SERINC2: variants seen among roughly 807,000 people sequenced by gnomAD.
The protein encoded by SERINC2 is serine incorporator 2, also known as tumor differentially expressed protein 2.
Under a neutral mutation model 54.2 loss-of-function variants are expected in SERINC2, and 56 were observed. The observed-to-expected ratio is 1.03, with a 90% CI of 0.83 to 1.29. SERINC2 has a LOEUF of 1.29. Ranked by LOEUF, SERINC2 falls within the 50% of genes most tolerant of loss-of-function variation. SERINC2 has a pLI of 0.00. For synonymous variants in SERINC2, 272 were observed against 253.1 expected (o/e 1.07, Z -0.71); for missense variants, 614 against 607.4 (o/e 1.01, Z -0.12).
chr1:31,425,851 A>C lies in SERINC2; in HGVS notation c.548A>C (p.His183Pro). 1 of 1,613,018 alleles carries C rather than the reference A, an allele frequency of 6.2e-7. No homozygotes were observed. The highest frequency in any genetic ancestry group is 8.5e-7 in the Non-Finnish European group (1 of 1,179,794). ...CTGGTGCTGCTCATCGACTTTGCGCACTCCTGGAACCAGCGGTGGCTGGGC... is the reference window on the plus strand; with the variant it reads ...CTGGTGCTGCTCATCGACTTTGCGCCCTCCTGGAACCAGCGGTGGCTGGGC... ...IQLVLLIDFA[H>P]SWNQRWLGKA... is the part of the protein sequence containing the mutation. The change falls in exon 5 of 10, where the codon CAC (histidine) becomes CCC (proline). Residue 183 changes from histidine to proline, a missense_variant. Physicochemically the swap from His to Pro is moderately conservative, Grantham distance 77. Coordinates refer to ENST00000373709, the MANE Select transcript of SERINC2 (RefSeq NM_178865.5).
chr1:31,412,808 C>G (rs78029627), upstream of SERINC2, among the ~76,000 whole-genome samples: 5,516 of 152,270 alleles, frequency 0.036, 227 homozygotes, highest in Admixed American at 0.14. Context: ...AGTGACTTGC[C>G]GAAGTTTCTT....
intron 6 of SERINC2, among the ~76,000 whole-genome samples, chr1:31,427,133 A>G (rs1404988348): frequency 6.6e-6 from 1 of 152,226 alleles, no homozygotes; most frequent in Non-Finnish European, 1.5e-5. Flanking sequence ...GATATCTCTC[A>G]GACATTAGCT....
intron 6 of SERINC2, among the ~76,000 whole-genome samples, chr1:31,427,167 C>G (rs1641068445): frequency 6.6e-6 from 1 of 151,922 alleles, no homozygotes; most frequent in Non-Finnish European, 1.5e-5. Context: ...TTATTGTTGT[C>G]ATTTTTGTTT....
chr1:31,425,571 A>G (rs192243298), intron 4 of SERINC2, among the ~76,000 whole-genome samples, 162 bp downstream of exon 4: 1 of 152,294 alleles, frequency 6.6e-6, no homozygotes, highest in East Asian at 1.9e-4. Flanking sequence ...GTGCTTGGCC[A>G]CACGGCCTTT....
chr1:31,418,239 A>G (rs1249105043), intron 1 of SERINC2, among the ~76,000 whole-genome samples: 1 of 152,226 alleles, frequency 6.6e-6, no homozygotes, highest in Admixed American at 6.5e-5. Context: ...CATCTCGTCC[A>G]CCAATGGACA....
chr1:31,431,827 G>A lies in SERINC2; in HGVS notation c.1014-1140G>A, dbSNP rs1469274230. 5.3e-3 allele frequency among the ~76,000 whole-genome samples: 762 copies of A among 142,694 alleles called. 17 individuals are homozygous for A. The highest frequency in any genetic ancestry group is 8.0e-3 in the South Asian group (35 of 4,374). 93.6% of individuals were successfully genotyped at this position (142,694 alleles called of 152,430 possible). A position where few individuals can be genotyped will look rare whatever the true frequency, so the allele number is the denominator to read the frequency against. ...GGACAGGGTGGACAGGGTGGATAGGGTGGATAGGGTGGATAGGGTGGATAG... is the reference window on the plus strand; with the variant it reads ...GGACAGGGTGGACAGGGTGGATAGGATGGATAGGGTGGATAGGGTGGATAG... On this transcript the variant is annotated intron_variant, in intron 8 of 9. Coordinates refer to ENST00000373709, the MANE Select transcript of SERINC2 (RefSeq NM_178865.5).
chr1:31,426,661 C>T lies in SERINC2; in HGVS notation c.618C>T (p.Phe206=), dbSNP rs1641050193. Residue 206 remains phenylalanine, a synonymous_variant, in exon 6 of 10, where the codon TTC becomes TTT. Transcript: ENST00000373709. ...CDSRAWYAGL[F]FFTLLFYLLS... is the part of the protein sequence containing the mutation. ...ACTACCCCTCTGGCCCAGGCCTCTT[C>T]TTCTTCACTCTCCTCTTCTACTTGC... 1.2e-6 allele frequency: 2 copies of T among 1,607,916 alleles called. No individual in the cohort carries two copies. Among genetic ancestry groups the T allele is most frequent in the East Asian group, 4.5e-5 (2 of 44,628 alleles).
intron 8 of SERINC2, among the ~76,000 whole-genome samples, chr1:31,432,141 G>A (rs1334975517): frequency 2.2e-5 from 3 of 139,376 alleles, no homozygotes; most frequent in African/African-American, 2.8e-5. Flanking sequence ...GGGTGGACAG[G>A]GTGGACAGGG....
In SERINC2 at chr1:31,434,100, C is replaced by G; in HGVS notation, c.1269C>G (p.Thr423=). The change falls in exon 10 of 10, where the codon ACC becomes ACG. Residue 423 remains threonine, a synonymous_variant. Coordinates refer to ENST00000373709, the MANE Select transcript of SERINC2 (RefSeq NM_178865.5). ...CCCGGAAGATGATCAGCACGTGGAC[C>G]GCCGTGTGGGTGAAGATCTGTGCCA... ...GETRKMISTW[T]AVWVKICASW... 6.2e-7 allele frequency: 1 copy of G among 1,613,984 alleles called. No individual in the cohort carries two copies. Among genetic ancestry groups the G allele is most frequent in the Non-Finnish European group, 8.5e-7 (1 of 1,179,954 alleles).
intron 6 of SERINC2, 25 bp from the exon 7 acceptor site, chr1:31,428,953 G>T (rs988636068): frequency 3.2e-5 from 52 of 1,605,690 alleles, no homozygotes; most frequent in Non-Finnish European, 4.2e-5. Context: ...TCTGGCAGGG[G>T]TCTTACCAGG....
At chr1:31,423,911 G>T in intron 2 of SERINC2, 57 bp downstream of exon 2, 1 of 1,536,028 alleles carries the variant, frequency 6.5e-7, no homozygotes, top group South Asian at 1.1e-5. Flanking sequence ...GTGGCTCCAG[G>T]ATAGAGGGCC....
intron 8 of SERINC2, among the ~76,000 whole-genome samples, chr1:31,429,767 T>C (rs551291691): frequency 6.6e-6 from 1 of 152,312 alleles, no homozygotes; most frequent in East Asian, 1.9e-4. Context: ...CTTTCCTGCA[T>C]ACTGGGCCAG....
rs782163379 is a variant in SERINC2, at chr1:31,429,458, C to T, written c.933C>T (p.Pro311=). ...GCAACGAGACAGTTGTGGCAGGCCC[C>T]GAGGGCTATGAGACCCAGTGGTGGG... ...QLGNETVVAG[P]EGYETQWWDA... is the part of the protein sequence containing the mutation. Residue 311 remains proline (P), a synonymous_variant, in exon 8 of 10, where the codon CCC becomes CCT. Transcript: ENST00000373709. 1.4e-5 allele frequency: 23 copies of T among 1,613,728 alleles called. No individual in the cohort carries two copies. The South Asian group carries it at 1.8e-4, about 12-fold the overall frequency.
Position 31,434,354 on chromosome 1 carries a change from C to A in SERINC2, c.*155C>A. On this transcript the variant is annotated 3_prime_UTR_variant, in exon 10 of 10. Transcript: ENST00000373709. ...CTGCCCCTGAGCCGGGCCTTCTAGT[C>A]GTAGTGCCTTCAGGGTCCGAGGAGC... 1 of 724,528 alleles carries A rather than the reference C, an allele frequency of 1.4e-6. No homozygotes were observed. The highest frequency in any genetic ancestry group is 2.3e-6 in the Non-Finnish European group (1 of 442,718). The allele number at this position is 724,528 out of a possible 1,614,324, so 44.9% of individuals were successfully genotyped here.
chr1:31,417,852 C>CTTTTTTTTTTTTTTTT (rs3050463), intron 1 of SERINC2, among the ~76,000 whole-genome samples: 1 of 95,732 alleles, frequency 1.0e-5, no homozygotes, highest in African/African-American at 4.2e-5. Context: ...AAATTTCATT[C>CTTTTTTTTTTTTTTTT]TTTTTTTTTT....
In SERINC2 at chr1:31,413,772, A is replaced by C; in HGVS notation, c.39+468A>C. 5 of 1,373,478 alleles carry C rather than the reference A, an allele frequency of 3.6e-6. No individual in the cohort carries two copies. The highest frequency in any genetic ancestry group is 4.7e-6 in the Non-Finnish European group (5 of 1,070,468). 85.1% of individuals were successfully genotyped at this position (1,373,478 alleles called of 1,614,324 possible). A position where few individuals can be genotyped will look rare whatever the true frequency, so the allele number is the denominator to read the frequency against. ...TGCCCTACCCCTCTGGCCGCCTGCC[A>C]GTCCGCCTGTTCCTGTCGCTCGGGC... is the stretch of plus-strand genomic sequence containing the variant. On this transcript the variant is annotated intron_variant, in intron 1 of 9. Coordinates refer to ENST00000373709, the MANE Select transcript of SERINC2 (RefSeq NM_178865.5). The surrounding 1 kb of genome is among the most constrained non-coding windows in gnomAD (Gnocchi z 5.0).
At chr1:31,414,877 T>G in intron 1 of SERINC2, 3 of 524,602 alleles carry the variant, frequency 5.7e-6, no homozygotes, top group Non-Finnish European at 7.3e-6. Flanking sequence ...CAGTTGACAG[T>G]AACAGGGCCT....
Position 31,413,794 on chromosome 1 carries a change from G to C in SERINC2, c.39+490G>C. On this transcript the variant is annotated intron_variant, in intron 1 of 9. Coordinates refer to ENST00000373709, the MANE Select transcript of SERINC2 (RefSeq NM_178865.5). This position sits in a 1 kb window ranked among gnomAD's most constrained non-coding sequence, Gnocchi z 5.0. ...GCCAGTCCGCCTGTTCCTGTCGCTC[G>C]GGCTCCGCCTGTCCGTTCGTATTTG... 7.3e-7 allele frequency: 1 copy of C among 1,376,488 alleles called. No individual in the cohort carries two copies. The highest frequency in any genetic ancestry group is 1.7e-5 in the South Asian group (1 of 58,656). The allele number at this position is 1,376,488 out of a possible 1,614,324, so 85.3% of individuals were successfully genotyped here. A position where few individuals can be genotyped will look rare whatever the true frequency, so the allele number is the denominator to read the frequency against.
rs1464775486 is a variant in SERINC2 at position 31,413,280 on chromosome 1, G to C, written c.15G>C (p.Leu5=). Reference sequence around the variant, plus strand: ...GAGCCGCCGCCATGGGGGCCTGCCTGGGAGCCTGCTCCCTGCTCAGCTGCG... The same window carrying C: ...GAGCCGCCGCCATGGGGGCCTGCCTCGGAGCCTGCTCCCTGCTCAGCTGCG... The part of the protein sequence containing the change: MGAC[L]GACSLLSCAS... Residue 5 remains leucine (L), a synonymous_variant, in exon 1 of 10, where the codon CTG becomes CTC. Coordinates refer to ENST00000373709, the MANE Select transcript of SERINC2 (RefSeq NM_178865.5). The surrounding 1 kb of genome is among the most constrained non-coding windows in gnomAD (Gnocchi z 5.0). The C allele has an allele frequency of 2.4e-6, 3 of 1,265,848 alleles. No homozygotes were observed. Among genetic ancestry groups the C allele is most frequent in the Non-Finnish European group, 3.0e-6 (3 of 1,007,222 alleles). 78.4% of individuals were successfully genotyped at this position (1,265,848 alleles called of 1,614,324 possible). A position where few individuals can be genotyped will look rare whatever the true frequency, so the allele number is the denominator to read the frequency against.
Sources: gnomAD v4.1 joint callset for allele counts (sites outside exome capture counted in the v4.1 genomes callset) on GRCh38, gnomAD v4.1.1 for gene constraint, Gnocchi (gnomAD v3.1) non-coding constraint, MANE v1.5 for transcripts, NCBI Gene and HGNC (gene_info 2026-07-23, HGNC 2026-07-21) for gene names.